NEMF: variants seen among roughly 807,000 people sequenced by gnomAD.
The protein encoded by NEMF is nuclear export mediator factor, also known as ribosome quality control complex subunit NEMF.
NEMF carries 89 observed loss-of-function variants against 162.2 expected under a neutral mutation model. The observed-to-expected ratio is 0.55, with a 90% CI of 0.46 to 0.65. NEMF has a LOEUF of 0.65. Among genes scored for constraint, NEMF ranks in the 30% least tolerant of loss-of-function variants. The probability of loss-of-function intolerance (pLI) is 0.00; values close to 1 mark genes in which losing one functional copy is unlikely to be tolerated. For synonymous variants in NEMF, 421 were observed against 404.5 expected, an observed-to-expected ratio of 1.04 and a Z score of -0.49; for missense variants, 1,133 against 1,261.9, an observed-to-expected ratio of 0.90 and a Z score of 1.55.
At chr14:49,791,026 C>G (rs1394218279) in intron 26 of NEMF, among the ~76,000 whole-genome samples, 1 of 152,048 alleles carries the variant, frequency 6.6e-6, no homozygotes, top group Non-Finnish European at 1.5e-5. Context: ...TGGGGATATT[C>G]TTAGCAAGTG....
intron 3 of NEMF, among the ~76,000 whole-genome samples, chr14:49,850,458 AC>A (rs1893718388): frequency 1.3e-5 from 2 of 152,334 alleles, no homozygotes; most frequent in Admixed American, 1.3e-4. Flanking sequence ...TCCACATTTT[AC>A]ATTTAAAGAA....
At chr14:49,836,548 G>A (rs952582340) in intron 6 of NEMF, among the ~76,000 whole-genome samples, 1 of 152,038 alleles carries the variant, frequency 6.6e-6, no homozygotes, top group African/African-American at 2.4e-5. Context: ...TTGTGGGGCT[G>A]AGGCAGGAGA....
intron 10 of NEMF, 109 bp from the exon 11 acceptor site, chr14:49,831,470 C>T: frequency 1.4e-6 from 1 of 704,232 alleles, no homozygotes; most frequent in Non-Finnish European, 2.4e-6. Context: ...CAGAGTCTCA[C>T]TCTGTTGCCC....
rs1167718162 is a variant in NEMF, at chr14:49,828,661, A to T, written c.1379T>A (p.Leu460His). ...LQKPQKNKPL[L>H]VDVDLSLSAY... ...TGACAAGCTGAGATCAACATCTACAAGTAAGGGCTTATTTTTCTGAGGCTT... is the reference window on the plus strand; with the variant it reads ...TGACAAGCTGAGATCAACATCTACATGTAAGGGCTTATTTTTCTGAGGCTT... The change falls in exon 14 of 33, where the codon CTT (leucine) becomes CAT (histidine). Residue 460 changes from leucine to histidine, a missense_variant. Physicochemically the swap from Leu to His is moderately conservative, Grantham distance 99 (BLOSUM62 -3). Coordinates refer to ENST00000298310, the MANE Select transcript of NEMF (RefSeq NM_004713.6). 1.8e-5 allele frequency: 28 copies of T among 1,595,530 alleles called. No homozygotes were observed. Among genetic ancestry groups the T allele is most frequent in the Non-Finnish European group, 2.3e-5 (27 of 1,175,484 alleles).
At position 49,834,554 on chromosome 14, in the gene NEMF, G is replaced by A. The variant is rs1280409958; in HGVS notation, c.575-105C>T. The A allele has an allele frequency of 4.1e-6, 3 of 732,314 alleles. No homozygotes were observed. The East Asian group carries it at 8.7e-5, about 21-fold the overall frequency. The allele number at this position is 732,314 out of a possible 1,614,324, so 45.4% of individuals were successfully genotyped here. On this transcript the variant is annotated intron_variant, in intron 6 of 32. Transcript: ENST00000298310. ...CCGTCGCCCAGGCCGGAGTGCAATGGTGCAATCTTGGCTCACTGCAACCTC... is the reference window on the plus strand; with the variant it reads ...CCGTCGCCCAGGCCGGAGTGCAATGATGCAATCTTGGCTCACTGCAACCTC...
chr14:49,811,915 T>A (rs1303410817), intron 18 of NEMF, among the ~76,000 whole-genome samples: 4 of 152,204 alleles, frequency 2.6e-5, no homozygotes, highest in Non-Finnish European at 5.9e-5. Flanking sequence ...ATCTTTGGTT[T>A]TGTAATACTG....
intron 26 of NEMF, 101 bp from the exon 27 acceptor site, chr14:49,789,674 TG>T (rs1890350759): frequency 2.0e-6 from 3 of 1,467,218 alleles, no homozygotes; most frequent in Non-Finnish European, 2.7e-6. Flanking sequence ...CTGTCAAAAA[TG>T]CTTACTGAAT....
In NEMF at chr14:49,789,196, T is replaced by C. The variant is rs138770555; in HGVS notation, c.2845A>G (p.Ile949Val). 9 of 1,613,912 alleles carry C rather than the reference T, an allele frequency of 5.6e-6. No individual in the cohort carries two copies. Among genetic ancestry groups the C allele is most frequent in the African/African-American group, 1.3e-5 (1 of 74,930 alleles). The change falls in exon 28 of 33, where the codon ATA becomes GTA. Residue 949 changes from isoleucine (I) to valine (V), a missense_variant. Coordinates refer to ENST00000298310, the MANE Select transcript of NEMF (RefSeq NM_004713.6). ...IKKETPFLEV[I>V]THELQDFAVD... ...GCAAAGTCTTGTAACTCATGAGTTA[T>C]AACCTCAAGGAACGGAGTTTCTTTC... is the stretch of plus-strand genomic sequence containing the variant.
chr14:49,834,945 T>C (rs1190974087), intron 6 of NEMF, among the ~76,000 whole-genome samples: 1 of 152,188 alleles, frequency 6.6e-6, no homozygotes, highest in Non-Finnish European at 1.5e-5. Context: ...ATGCCTATAA[T>C]CCCGGCACTT....
intron 15 of NEMF, among the ~76,000 whole-genome samples, chr14:49,826,319 C>A (rs550779516): frequency 6.6e-6 from 1 of 152,144 alleles, no homozygotes; most frequent in Admixed American, 6.5e-5. Context: ...CCCCCACTCC[C>A]ACCCCACTAG....
chr14:49,815,087 C>G (rs907170664), intron 16 of NEMF, among the ~76,000 whole-genome samples: 1 of 152,054 alleles, frequency 6.6e-6, no homozygotes, highest in Non-Finnish European at 1.5e-5. Context: ...AAGTTATCTC[C>G]TTACTCCATA....
chr14:49,842,676 TAG>T (rs1429612754), intron 4 of NEMF, among the ~76,000 whole-genome samples: 3 of 152,196 alleles, frequency 2.0e-5, no homozygotes, highest in Non-Finnish European at 4.4e-5. Context: ...TTACGTTGGT[TAG>T]AGAGATAGAT....
chr14:49,788,014 T>TA (rs1890258123), intron 28 of NEMF, among the ~76,000 whole-genome samples: 1 of 152,014 alleles, frequency 6.6e-6, no homozygotes. Context: ...GCATGTGTCT[T>TA]ACGCCTGTAA....
intron 18 of NEMF, among the ~76,000 whole-genome samples, chr14:49,811,360 G>A (rs966607079): frequency 6.6e-6 from 1 of 152,020 alleles, no homozygotes; most frequent in Non-Finnish European, 1.5e-5. Context: ...AGATTCTTTA[G>A]GTTTTTTAAA....
At chr14:49,828,541 T>G (rs1014399175) in intron 14 of NEMF, 75 bp downstream of exon 14, 2 of 1,292,264 alleles carry the variant, frequency 1.5e-6, no homozygotes, top group Non-Finnish European at 2.1e-6. Flanking sequence ...AAATTTAAAA[T>G]TTTTTAAAAT....
At chr14:49,790,104 C>A (rs569726165) in intron 26 of NEMF, among the ~76,000 whole-genome samples, 1 of 152,242 alleles carries the variant, frequency 6.6e-6, no homozygotes, top group South Asian at 2.1e-4. Context: ...TCTTGATTAA[C>A]TGTGTTAACT....
Position 49,784,985 on chromosome 14 carries a change from A to G in NEMF, c.3093T>C (p.Asn1031=), listed in dbSNP as rs1890095434. 1.2e-6 allele frequency: 2 copies of G among 1,613,834 alleles called. No homozygotes were observed. The highest frequency in any genetic ancestry group is 8.5e-7 in the Non-Finnish European group (1 of 1,179,908). Reference sequence around the variant, plus strand: ...TTGCTTCTTTGGAATGCATGAAACTATTCAAGGCTGTTTTTGCAGCTGTAA... The same window carrying G: ...TTGCTTCTTTGGAATGCATGAAACTGTTCAAGGCTGTTTTTGCAGCTGTAA... ...KKGKAAKTAL[N]SFMHSKEATA... is the part of the protein sequence containing the mutation. The change falls in exon 32 of 33, where the codon AAT becomes AAC. Residue 1031 remains asparagine (N), a synonymous_variant. Transcript: ENST00000298310.
intron 19 of NEMF, 28 bp downstream of exon 19, chr14:49,805,993 T>C: frequency 1.3e-6 from 2 of 1,517,654 alleles, no homozygotes; most frequent in African/African-American, 1.4e-5. Flanking sequence ...CTTAGTAAAT[T>C]AAGAAAAAGG....
At chr14:49,852,183 AG>A (rs1893811486) in intron 1 of NEMF, among the ~76,000 whole-genome samples, 1 of 146,316 alleles carries the variant, frequency 6.8e-6, no homozygotes, top group Non-Finnish European at 1.5e-5. Context: ...GAAAAAAAAA[AG>A]ATAAAAGAGG....
Sources: gnomAD v4.1 joint callset for allele counts (sites outside exome capture counted in the v4.1 genomes callset) on GRCh38, gnomAD v4.1.1 for gene constraint, MANE v1.5 for transcripts, NCBI Gene and HGNC (gene_info 2026-07-23, HGNC 2026-07-21) for gene names.